ZNF362: variants seen among roughly 807,000 people sequenced by gnomAD.
ZNF362 encodes the protein zinc finger protein 362.
ZNF362 carries 11 observed loss-of-function variants against 42.9 expected under a neutral mutation model. That is an observed-to-expected ratio of 0.26 (90% CI 0.16 to 0.42). ZNF362 has a LOEUF of 0.42. Among genes scored for constraint, ZNF362 ranks in the 20% least tolerant of loss-of-function variants. ZNF362 has a pLI of 1.00. For missense variants in ZNF362, 362 were observed against 576.2 expected (o/e 0.63, Z 3.81); for synonymous variants, 255 against 257.3 (o/e 0.99, Z 0.09).
the ZNF362 span, among the ~76,000 whole-genome samples, chr1:33,177,279 A>T: frequency 1.3e-5 from 2 of 152,216 alleles, no homozygotes; most frequent in East Asian, 3.8e-4. The surrounding 1 kb of genome is among the most constrained non-coding windows in gnomAD (Gnocchi z 4.1). Context: ...TAATCAGAAT[A>T]AAGACATTTA....
At chr1:33,287,001 C>T (rs751014578) in intron 6 of ZNF362, among the ~76,000 whole-genome samples, 1 of 152,092 alleles carries the variant, frequency 6.6e-6, no homozygotes, top group African/African-American at 2.4e-5. Flanking sequence ...CGGAGTGAGG[C>T]GGTTGAGTGG....
chr1:33,180,953 T>TGGGGGGGGGGG, the ZNF362 span: 4 of 724,330 alleles, frequency 5.5e-6, no homozygotes, highest in Non-Finnish European at 5.9e-6. Context: ...GGTCCAGCCC[T>TGGGGGGGGGGG]GACCCCACCC....
At chr1:33,284,784 A>G in intron 6 of ZNF362, among the ~76,000 whole-genome samples, 1 of 152,208 alleles carries the variant, frequency 6.6e-6, no homozygotes. Context: ...GGGTGAAATC[A>G]GTTTCATCCA....
the ZNF362 span, chr1:33,159,663 G>A: frequency 6.3e-7 from 1 of 1,589,696 alleles, no homozygotes; most frequent in South Asian, 1.1e-5. This position sits in a 1 kb window ranked among gnomAD's most constrained non-coding sequence, Gnocchi z 4.2. Context: ...GTCAGCCGGG[G>A]AGGGCCCCGG....
At chr1:33,291,019 G>C (rs1238724069) in intron 6 of ZNF362, among the ~76,000 whole-genome samples, 2 of 152,154 alleles carry the variant, frequency 1.3e-5, no homozygotes, top group Non-Finnish European at 2.9e-5. Context: ...TAGGTTGCCT[G>C]TTCACTCTGA....
the ZNF362 span, among the ~76,000 whole-genome samples, chr1:33,239,194 G>A: frequency 2.6e-5 from 4 of 152,276 alleles, no homozygotes; most frequent in East Asian, 5.8e-4. Flanking sequence ...GACAGTGGCA[G>A]CACACTCACT....
the ZNF362 span, among the ~76,000 whole-genome samples, chr1:33,155,848 T>A: frequency 6.6e-6 from 1 of 152,204 alleles, no homozygotes; most frequent in East Asian, 1.9e-4. Flanking sequence ...AGGCACTGAT[T>A]TCCCAGTCCC....
At chr1:33,158,209 G>C in the ZNF362 span, 26 of 1,573,910 alleles carry the variant, frequency 1.7e-5, no homozygotes, top group African/African-American at 1.3e-4. Flanking sequence ...GCTGTGCTGG[G>C]ACATGCCCCA....
At chr1:33,254,568 G>T (rs1557783440), upstream of ZNF362, among the ~76,000 whole-genome samples, 1 of 152,134 alleles carries the variant, frequency 6.6e-6, no homozygotes, top group African/African-American at 2.4e-5. Flanking sequence ...ACAAGGCTGG[G>T]GTTATGGGTT....
the ZNF362 span, among the ~76,000 whole-genome samples, chr1:33,156,756 T>C: frequency 3.1e-3 from 476 of 152,358 alleles, 1 homozygote; most frequent in Middle Eastern, 0.061. Flanking sequence ...GCATCAGTGC[T>C]GAGATAACTA....
the ZNF362 span, among the ~76,000 whole-genome samples, chr1:33,238,328 T>TAAAATA: frequency 2.9e-5 from 2 of 67,952 alleles, no homozygotes; most frequent in South Asian, 9.6e-4. Context: ...CAAAATAACA[T>TAAAATA]AAAATAAAAT....
At chr1:33,150,444 C>T in the ZNF362 span, among the ~76,000 whole-genome samples, 2 of 152,278 alleles carry the variant, frequency 1.3e-5, no homozygotes, top group African/African-American at 4.8e-5. Flanking sequence ...TATCAAGTTC[C>T]TTCCATGATC....
the ZNF362 span, among the ~76,000 whole-genome samples, chr1:33,203,136 A>G: frequency 2.0e-5 from 3 of 151,980 alleles, no homozygotes; most frequent in African/African-American, 4.8e-5. Flanking sequence ...ACATCTCCCT[A>G]TTTACTCCTT....
At chr1:33,157,605 T>C in the ZNF362 span, among the ~76,000 whole-genome samples, 1 of 152,180 alleles carries the variant, frequency 6.6e-6, no homozygotes, top group Non-Finnish European at 1.5e-5. Flanking sequence ...TTTGCCTGTT[T>C]TGCTTACTAT....
upstream of ZNF362, among the ~76,000 whole-genome samples, chr1:33,252,381 CAA>C (rs1475079918): frequency 1.5e-4 from 13 of 86,922 alleles, no homozygotes; most frequent in Admixed American, 2.7e-4. Context: ...ACAACAACAA[CAA>C]CAACCAGAAA....
the ZNF362 span, among the ~76,000 whole-genome samples, chr1:33,202,226 A>G: frequency 6.6e-6 from 1 of 152,272 alleles, no homozygotes; most frequent in Non-Finnish European, 1.5e-5. Context: ...AAAATCTTCC[A>G]TAAAATTGAA....
the ZNF362 span, among the ~76,000 whole-genome samples, chr1:33,189,790 T>G: frequency 1.3e-5 from 2 of 149,232 alleles, no homozygotes; most frequent in Non-Finnish European, 3.0e-5. Context: ...CCTCACCAGT[T>G]TCTTTACAGA....
chr1:33,228,343 A>G, the ZNF362 span, among the ~76,000 whole-genome samples: 1 of 152,104 alleles, frequency 6.6e-6, no homozygotes, highest in African/African-American at 2.4e-5. Flanking sequence ...TCAGGCTTTC[A>G]ATATCATCTA....
At chr1:33,171,028 C>G in the ZNF362 span, among the ~76,000 whole-genome samples, 1 of 152,214 alleles carries the variant, frequency 6.6e-6, no homozygotes, top group African/African-American at 2.4e-5. Context: ...CCCCTCCTTC[C>G]CTTCTCAGAT....
Sources: allele counts gnomAD v4.1 joint callset (sites outside exome capture counted in the v4.1 genomes callset), GRCh38; gene constraint gnomAD v4.1.1; non-coding constraint Gnocchi (gnomAD v3.1); transcripts MANE v1.5; gene names NCBI Gene and HGNC (gene_info 2026-07-23, HGNC 2026-07-21).